The following HPGD variants were observed in gnomAD, a reference collection of about 807,000 sequenced individuals.
HPGD encodes 15-hydroxyprostaglandin dehydrogenase.
A neutral mutation model predicts 30.0 loss-of-function variants in HPGD; 29 were observed. That is an observed-to-expected ratio of 0.97 (90% confidence interval 0.72 to 1.32). HPGD has a LOEUF of 1.32. HPGD is among the 40% of genes most tolerant of loss of function. The probability of loss-of-function intolerance (pLI) is 0.00; values close to 1 mark genes in which losing one functional copy is unlikely to be tolerated. For synonymous variants in HPGD, 99 were observed against 112.4 expected (o/e 0.88, Z 0.75); for missense variants, 340 against 322.1 (o/e 1.06, Z -0.43).
rs2612691 is a variant in HPGD at position 174,490,230 on chromosome 4, G to A, written c.*1726C>T. On this transcript the variant is annotated 3_prime_UTR_variant, in exon 7 of 7. Transcript: ENST00000296522. The surrounding 1 kb of genome is among the most constrained non-coding windows in gnomAD (Gnocchi z 4.4). The stretch of plus-strand genomic sequence containing the variant: ...TTCTCAATCAGTATACACCAGAGAT[G>A]CCATATAACCATATGAATTTATTTA... 119,023 of 151,706 alleles carry A rather than the reference G, an allele frequency of 0.78. 46,873 individuals carry two copies. The highest frequency in any genetic ancestry group is 0.82 in the East Asian group (4,317 of 5,276). The allele number at this position is 151,706 out of a possible 1,614,324, so 9.4% of individuals were successfully genotyped here.
chr4:174,513,460 A>T (rs1560986700), intron 3 of HPGD, among the ~76,000 whole-genome samples: 2 of 147,476 alleles, frequency 1.4e-5, no homozygotes, highest in African/African-American at 2.5e-5. Flanking sequence ...TAAAATGCAT[A>T]TTTTTTTTTT....
intron 4 of HPGD, chr4:174,508,217 G>A (rs1205051490): frequency 3.3e-6 from 2 of 612,398 alleles, no homozygotes; most frequent in South Asian, 1.6e-5. Flanking sequence ...ACTGATGTAC[G>A]AGTTAAGGAA....
At chr4:174,517,560 T>C (rs868606653) in intron 3 of HPGD, among the ~76,000 whole-genome samples, 3 of 152,334 alleles carry the variant, frequency 2.0e-5, no homozygotes, top group Middle Eastern at 6.8e-3. Flanking sequence ...TGTGGCTGTG[T>C]TCCAATAAAA....
rs777723206 is a variant in HPGD at position 174,522,320 on chromosome 4, G to A, written c.93+39C>T. 4.6e-6 allele frequency: 7 copies of A among 1,522,170 alleles called. No homozygotes were observed. The South Asian group carries it at 4.8e-5, about 10-fold the overall frequency. The allele number at this position is 1,522,170 out of a possible 1,614,324, so 94.3% of individuals were successfully genotyped here. On this transcript the variant is annotated intron_variant, in intron 1 of 6. Coordinates refer to ENST00000296522, the MANE Select transcript of HPGD (RefSeq NM_000860.6). ...GGCGGCGGGGCGAGTCTCGGAGTGT[G>A]TGGGCAGAGAAATTTCCGCGGCTGG...
intron 3 of HPGD, among the ~76,000 whole-genome samples, chr4:174,516,085 C>T (rs2110864195): frequency 6.6e-6 from 1 of 152,222 alleles, no homozygotes; most frequent in South Asian, 2.1e-4. Flanking sequence ...CATTTTGGAG[C>T]TTTTCTCGAA....
chr4:174,493,287 C>T lies in HPGD; in HGVS notation c.526G>A (p.Val176Met), dbSNP rs187367875. 4.3e-6 allele frequency: 7 copies of T among 1,613,180 alleles called. No homozygotes were observed. The South Asian group carries it at 6.6e-5, about 15-fold the overall frequency. ...CCTGGACAAATGGCATTCAGTCTCA[C>T]ACCACTGTTCATAAGATTAGCAGCC... ...ALAANLMNSG[V>M]RLNAICPGFV... The change falls in exon 6 of 7, where the codon GTG becomes ATG. Residue 176 changes from valine (V) to methionine (M), a missense_variant. By Grantham distance (21) the Val-to-Met change is conservative. Coordinates refer to ENST00000296522, the MANE Select transcript of HPGD (RefSeq NM_000860.6).
chr4:174,506,894 C>T (rs1444355982), intron 4 of HPGD: 4 of 152,190 alleles, frequency 2.6e-5, no homozygotes, highest in African/African-American at 9.7e-5. Context: ...ACATAAAGGC[C>T]AGGGGCTCCT....
At position 174,522,438 on chromosome 4, in the gene HPGD, C is replaced by A. The variant is rs868773592; in HGVS notation, c.14G>T (p.Gly5Val). Residue 5 changes from glycine (G) to valine (V), a missense_variant, in exon 1 of 7, where the codon GGC becomes GTC. Transcript: ENST00000296522. MHVN[G>V]KVALVTGAAQ... The stretch of plus-strand genomic sequence containing the variant: ...CGCGCCGGTCACCAGCGCCACTTTG[C>A]CGTTCACGTGCATGGTGCAGCCACT... 1.3e-6 allele frequency: 2 copies of A among 1,580,764 alleles called. No homozygotes were observed. The highest frequency in any genetic ancestry group is 1.7e-6 in the Non-Finnish European group (2 of 1,164,204).
intron 1 of HPGD, 61 bp downstream of exon 1, chr4:174,522,298 G>A: frequency 6.8e-7 from 1 of 1,478,276 alleles, no homozygotes; most frequent in Non-Finnish European, 9.2e-7. Context: ...CACCTCGGGC[G>A]GCGGGGCGAG....
At position 174,508,681 on chromosome 4, in the gene HPGD, A is replaced by G; in HGVS notation, c.421+15T>C. On this transcript the variant is annotated intron_variant, in intron 4 of 6. Coordinates refer to ENST00000296522, the MANE Select transcript of HPGD (RefSeq NM_000860.6). ...AGTAAGAAAATGTTACATTTAATGT[A>G]ATAATTGCCCTTACCTGCTAAAGAT... 7.0e-7 allele frequency: 1 copy of G among 1,420,004 alleles called. No homozygotes were observed. Among genetic ancestry groups the G allele is most frequent in the Non-Finnish European group, 1.0e-6 (1 of 1,003,144 alleles). The allele number at this position is 1,420,004 out of a possible 1,614,324, so 88.0% of individuals were successfully genotyped here.
At position 174,493,291 on chromosome 4, in the gene HPGD, A is replaced by G. The variant is rs146971052; in HGVS notation, c.522T>C (p.Ser174=). Reference sequence around the variant, plus strand: ...GACAAATGGCATTCAGTCTCACACCACTGTTCATAAGATTAGCAGCCAACT... The same window carrying G: ...GACAAATGGCATTCAGTCTCACACCGCTGTTCATAAGATTAGCAGCCAACT... ...SAALAANLMN[S]GVRLNAICPG... The change falls in exon 6 of 7, where the codon AGT becomes AGC. Residue 174 remains serine (S), a synonymous_variant. Transcript: ENST00000296522. The G allele has an allele frequency of 1.5e-4, 246 of 1,613,188 alleles. 1 individual carries two copies. The African/African-American group carries it at 3.0e-3, about 20-fold the overall frequency.
chr4:174,508,868 T>C (rs370193651), intron 3 of HPGD, 76 bp from the exon 4 acceptor site: 4 of 818,186 alleles, frequency 4.9e-6, no homozygotes, highest in African/African-American at 3.3e-5. Context: ...AAAGTTTTTA[T>C]AGCTATTCCA....
At chr4:174,508,569 G>T in intron 4 of HPGD, 127 bp downstream of exon 4, 1 of 692,894 alleles carries the variant, frequency 1.4e-6, no homozygotes, top group Non-Finnish European at 2.6e-6. Context: ...AAATTCCATG[G>T]AACTATAAAA....
At chr4:174,522,507 C>G (rs889396738), upstream of HPGD, 2 of 1,392,364 alleles carry the variant, frequency 1.4e-6, no homozygotes, top group Admixed American at 2.5e-5. Context: ...CGCGCGGCCG[C>G]GGCTTTTATG....
At chr4:174,503,322 G>A (rs572323291) in intron 4 of HPGD, among the ~76,000 whole-genome samples, 25 of 152,076 alleles carry the variant, frequency 1.6e-4, no homozygotes, top group Non-Finnish European at 3.1e-4. Flanking sequence ...TATGACACAG[G>A]CTAAAATGGA....
In HPGD at chr4:174,496,163, ACTT is replaced by A. The variant is rs1228824628; in HGVS notation, c.422-542_422-540del. On this transcript the variant is annotated intron_variant, in intron 4 of 6. Coordinates refer to ENST00000296522, the MANE Select transcript of HPGD (RefSeq NM_000860.6). The surrounding 1 kb of genome is among the most constrained non-coding windows in gnomAD (Gnocchi z 4.6). ...AAAAGTTTAAGAAAATTAAAAGTTA[ACTT>A]CTTCTTTTTATTTGATCTATTGTAG... Among the ~76,000 whole-genome samples the A allele has an allele frequency of 6.6e-6, 1 of 152,174 alleles. No individual in the cohort carries two copies. The highest frequency in any genetic ancestry group is 1.5e-5 in the Non-Finnish European group (1 of 68,026).
chr4:174,520,916 T>C (rs1393698222), intron 2 of HPGD, among the ~76,000 whole-genome samples: 2 of 152,238 alleles, frequency 1.3e-5, no homozygotes, highest in African/African-American at 4.8e-5. Context: ...GTTATGTAAT[T>C]TCCTTTACAA....
chr4:174,495,830 T>C, intron 4 of HPGD: 1 of 582,458 alleles, frequency 1.7e-6, no homozygotes, highest in South Asian at 1.9e-5. Flanking sequence ...GTCCAGAATT[T>C]ATAGTAGCTA....
At position 174,503,871 on chromosome 4, in the gene HPGD, C is replaced by T. The variant is rs544375371; in HGVS notation, c.421+4825G>A. ...CTGAGTAGCTAGGAACACAGGTGTG[C>T]ACCATCACACCCAGCTAATTTTTAA... is the stretch of plus-strand genomic sequence containing the variant. On this transcript the variant is annotated intron_variant, in intron 4 of 6. Coordinates refer to ENST00000296522, the MANE Select transcript of HPGD (RefSeq NM_000860.6). 3.9e-5 allele frequency among the ~76,000 whole-genome samples: 6 copies of T among 152,188 alleles called. No individual in the cohort carries two copies. The East Asian group carries it at 1.2e-3, about 29-fold the overall frequency.
Sources: allele counts gnomAD v4.1 joint callset (sites outside exome capture counted in the v4.1 genomes callset), GRCh38; gene constraint gnomAD v4.1.1; non-coding constraint Gnocchi (gnomAD v3.1); transcripts MANE v1.5; gene names NCBI Gene and HGNC (gene_info 2026-07-23, HGNC 2026-07-21).